The following LINGO2 variants were observed in gnomAD, a reference collection of about 807,000 sequenced individuals.
LINGO2 encodes the protein leucine-rich repeat and immunoglobulin-like domain-containing nogo receptor-interacting protein 2.
Under a neutral mutation model 30.6 loss-of-function variants are expected in LINGO2, and 14 were observed. That is an observed-to-expected ratio of 0.46 (90% CI 0.30 to 0.72). The LOEUF (loss-of-function observed/expected upper bound fraction) is 0.72, where lower values mean the gene tolerates loss of function less well. LINGO2 is among the 30% of genes least tolerant of loss of function. LINGO2 has a pLI of 0.07. For synonymous variants in LINGO2, 317 were observed against 288.5 expected (o/e 1.10, Z -1.00); for missense variants, 729 against 751.7 (o/e 0.97, Z 0.35).
chr9:28,225,067 A>C (rs1821101370), intron 4 of LINGO2, among the ~76,000 whole-genome samples: 1 of 152,184 alleles, frequency 6.6e-6, no homozygotes, highest in Non-Finnish European at 1.5e-5. Flanking sequence ...ATCCATATGC[A>C]CAGGAATAAA....
chr9:28,538,976 T>C (rs1162553726), intron 1 of LINGO2, among the ~76,000 whole-genome samples: 1 of 152,026 alleles, frequency 6.6e-6, no homozygotes, highest in Non-Finnish European at 1.5e-5. Flanking sequence ...TATATATTAA[T>C]AGTCTCAAAA....
At chr9:28,669,948 C>G (rs1271036177) in intron 1 of LINGO2, among the ~76,000 whole-genome samples, 1 of 151,904 alleles carries the variant, frequency 6.6e-6, no homozygotes, top group African/African-American at 2.4e-5. Flanking sequence ...AGAAACATAT[C>G]ATCACATATA....
At chr9:28,188,248 A>G (rs1901564) in intron 4 of LINGO2, among the ~76,000 whole-genome samples, 1 of 151,934 alleles carries the variant, frequency 6.6e-6, no homozygotes, top group East Asian at 1.9e-4. Flanking sequence ...GTGAATGAAC[A>G]TTACCTTGGA....
the LINGO2 span, among the ~76,000 whole-genome samples, chr9:29,052,574 A>C: frequency 6.6e-6 from 1 of 152,202 alleles, no homozygotes; most frequent in Admixed American, 6.5e-5. Context: ...TTGAAATTCA[A>C]AATGTACTGT....
chr9:28,797,528 A>G, the LINGO2 span, among the ~76,000 whole-genome samples: 1 of 151,838 alleles, frequency 6.6e-6, no homozygotes, highest in South Asian at 2.1e-4. Context: ...TTTGCCAAAA[A>G]GAAGAGAAAT....
intron 1 of LINGO2, among the ~76,000 whole-genome samples, chr9:28,646,335 G>C (rs1006967603): frequency 2.0e-5 from 3 of 152,032 alleles, no homozygotes; most frequent in Admixed American, 1.3e-4. Context: ...AACATGCTGG[G>C]ATAGTCATTC....
At chr9:28,862,367 T>A in the LINGO2 span, among the ~76,000 whole-genome samples, 20 of 60,984 alleles carry the variant, frequency 3.3e-4, no homozygotes, top group African/African-American at 6.4e-4. Flanking sequence ...TAGCAAGATA[T>A]TTCTTAGGTA....
chr9:27,954,788 CGA>C (rs1439722832), intron 5 of LINGO2, among the ~76,000 whole-genome samples: 6 of 152,256 alleles, frequency 3.9e-5, no homozygotes, highest in Non-Finnish European at 7.4e-5. Flanking sequence ...CTGGATCATA[CGA>C]GAGTTCTATT....
the LINGO2 span, among the ~76,000 whole-genome samples, chr9:29,040,903 T>C: frequency 2.6e-5 from 4 of 152,018 alleles, no homozygotes; most frequent in East Asian, 3.9e-4. Context: ...CACTGACATA[T>C]AACTTCTATG....
chr9:28,279,765 T>G (rs1823254259), intron 4 of LINGO2, among the ~76,000 whole-genome samples: 1 of 152,092 alleles, frequency 6.6e-6, no homozygotes, highest in African/African-American at 2.4e-5. Flanking sequence ...CCAGGAGGTA[T>G]GCCAGCCCTT....
the LINGO2 span, among the ~76,000 whole-genome samples, chr9:28,778,844 A>G: frequency 6.6e-6 from 1 of 152,214 alleles, no homozygotes; most frequent in African/African-American, 2.4e-5. Context: ...TCTATTGAAA[A>G]CACAAAAAAA....
chr9:28,548,746 A>G lies in LINGO2; in HGVS notation c.-364-72721T>C, dbSNP rs533280525. ...AAAAAAAAAATATTTGATTCTATAT[A>G]ATAGTAACATAGAAGAAAAAATGCA... On this transcript the variant is annotated intron_variant, in intron 1 of 5. Transcript: ENST00000379992. Among the ~76,000 whole-genome samples the G allele has an allele frequency of 2.3e-3, 349 of 151,164 alleles. 2 individuals carry two copies. The highest frequency in any genetic ancestry group is 7.8e-3 in the African/African-American group (324 of 41,292).
At chr9:28,146,573 T>G (rs1221481108) in intron 4 of LINGO2, among the ~76,000 whole-genome samples, 1 of 148,666 alleles carries the variant, frequency 6.7e-6, no homozygotes, top group Non-Finnish European at 1.5e-5. Flanking sequence ...TTTTTTTTTT[T>G]AACTTCTTGC....
the LINGO2 span, chr9:27,940,132 T>C: frequency 2.0e-5 from 3 of 152,286 alleles, no homozygotes; most frequent in East Asian, 1.9e-4. Flanking sequence ...CCTTATCTTT[T>C]TTTATTTTTT....
At chr9:28,828,949 C>T in the LINGO2 span, among the ~76,000 whole-genome samples, 1 of 152,104 alleles carries the variant, frequency 6.6e-6, no homozygotes, top group African/African-American at 2.4e-5. Context: ...GAAGGCCCCA[C>T]CCTCAAGCCT....
chr9:28,302,075 G>T (rs989729996), intron 3 of LINGO2, among the ~76,000 whole-genome samples: 1 of 152,116 alleles, frequency 6.6e-6, no homozygotes, highest in African/African-American at 2.4e-5. Flanking sequence ...ATCTTGAAAG[G>T]AGCACTAAAT....
chr9:28,346,577 T>C (rs955523510), intron 3 of LINGO2, among the ~76,000 whole-genome samples: 7 of 152,178 alleles, frequency 4.6e-5, no homozygotes, highest in African/African-American at 1.4e-4. Flanking sequence ...CTGGGTCATA[T>C]GGTAGGTCTC....
At chr9:28,903,688 G>C in the LINGO2 span, among the ~76,000 whole-genome samples, 21 of 152,012 alleles carry the variant, frequency 1.4e-4, no homozygotes, top group African/African-American at 5.1e-4. Flanking sequence ...ATATTGCCTA[G>C]ACTGGTCTCA....
intron 4 of LINGO2, among the ~76,000 whole-genome samples, chr9:28,152,151 T>G (rs1257327413): frequency 2.0e-5 from 3 of 152,134 alleles, no homozygotes; most frequent in Admixed American, 2.0e-4. Flanking sequence ...AGTGTTGGAG[T>G]TGGGACCTAG....
Sources: gnomAD v4.1 joint callset for allele counts (sites outside exome capture counted in the v4.1 genomes callset) on GRCh38, gnomAD v4.1.1 for gene constraint, MANE v1.5 for transcripts, NCBI Gene and HGNC (gene_info 2026-07-23, HGNC 2026-07-21) for gene names.